Variants in IPO11 observed in about 807,000 individuals in gnomAD.
IPO11 encodes importin 11, also known as importin-11.
Under a neutral mutation model 143.2 loss-of-function variants are expected in IPO11, and 66 were observed. The observed-to-expected ratio is 0.46, with a 90% CI of 0.38 to 0.57. The LOEUF is 0.57. IPO11 is among the 20% of genes least tolerant of loss of function. The pLI, the probability that IPO11 is intolerant of heterozygous loss-of-function variation, is 0.00. For missense variants in IPO11, 1,026 were observed against 1,141.0 expected, an observed-to-expected ratio of 0.90 and a Z score of 1.45; for synonymous variants, 385 against 377.8, an observed-to-expected ratio of 1.02 and a Z score of -0.22.
intron 5 of IPO11, among the ~76,000 whole-genome samples, chr5:62,455,079 G>A (rs1000677418): frequency 1.3e-5 from 2 of 152,180 alleles, no homozygotes; most frequent in African/African-American, 4.8e-5. Flanking sequence ...TTAATTGAAG[G>A]TAGCATTTGT....
chr5:62,624,440 A>T (rs1746487804), intron 29 of IPO11, among the ~76,000 whole-genome samples: 1 of 151,172 alleles, frequency 6.6e-6, no homozygotes. Context: ...TGCTGGTGGG[A>T]TTGTCTTTTA....
intron 1 of IPO11, among the ~76,000 whole-genome samples, chr5:62,433,917 G>T (rs1487513981): frequency 6.6e-6 from 1 of 152,052 alleles, no homozygotes; most frequent in Non-Finnish European, 1.5e-5. Flanking sequence ...TGGTGGAGGG[G>T]GTGGGATGAG....
At chr5:62,443,170 G>A in intron 3 of IPO11, 87 bp downstream of exon 3, 1 of 779,204 alleles carries the variant, frequency 1.3e-6, no homozygotes. Context: ...GTAAAAGGAT[G>A]TGTTAGCGCT....
chr5:62,580,163 C>T, intron 27 of IPO11: 1 of 1,551,116 alleles, frequency 6.4e-7, no homozygotes, highest in African/African-American at 1.4e-5. Flanking sequence ...CCTATTGAAG[C>T]AATACAGCCC....
At chr5:62,413,863 T>A (rs1180341385) in intron 1 of IPO11, among the ~76,000 whole-genome samples, 1 of 152,240 alleles carries the variant, frequency 6.6e-6, no homozygotes, top group Admixed American at 6.5e-5. Flanking sequence ...GGGTGACTCT[T>A]CTATAGGAGA....
intron 27 of IPO11, among the ~76,000 whole-genome samples, chr5:62,568,073 C>G (rs1744015560): frequency 6.6e-6 from 1 of 151,932 alleles, no homozygotes; most frequent in Non-Finnish European, 1.5e-5. Flanking sequence ...TCAAGCAATC[C>G]TCCTACCTCA....
At position 62,463,206 on chromosome 5, in the gene IPO11, T is replaced by A. The variant is rs76542273; in HGVS notation, c.517-3925T>A. ...ACAGGCATGTGCCACCATGTCCAGC[T>A]AATTTGTTAAGAAACATTTTGTAGA... On this transcript the variant is annotated intron_variant, in intron 5 of 29. Coordinates refer to ENST00000325324, the MANE Select transcript of IPO11 (RefSeq NM_016338.5). Among the ~76,000 whole-genome samples, 943 of 152,150 alleles carry A rather than the reference T, an allele frequency of 6.2e-3. 4 individuals carry two copies. Among genetic ancestry groups the A allele is most frequent in the Middle Eastern group, 0.024 (7 of 294 alleles).
chr5:62,526,048 T>C (rs539434286), intron 20 of IPO11, 94 bp from the exon 21 acceptor site: 47 of 723,078 alleles, frequency 6.5e-5, no homozygotes, highest in Non-Finnish European at 9.5e-5. Flanking sequence ...ATTTTTTTAA[T>C]TGGTTTTAGG....
At chr5:62,425,236 A>G (rs1011769157) in intron 1 of IPO11, among the ~76,000 whole-genome samples, 5 of 151,912 alleles carry the variant, frequency 3.3e-5, no homozygotes, top group Non-Finnish European at 7.4e-5. Context: ...GCTTCCTCCA[A>G]CCCTCCTTGG....
rs148993429 is a variant in IPO11 at position 62,594,975 on chromosome 5, C to T, written c.2678+3303C>T. On this transcript the variant is annotated intron_variant, in intron 28 of 29. Transcript: ENST00000325324. ...GGAGGTCTCCTGGTGATTTCCACAC[C>T]GGAGGGACATGATCAGATTTATACT... Among the ~76,000 whole-genome samples, 34 of 152,182 alleles carry T rather than the reference C, an allele frequency of 2.2e-4. No individual in the cohort carries two copies. The East Asian group carries it at 4.4e-3, about 20-fold the overall frequency.
chr5:62,475,208 A>G (rs1448552936), intron 8 of IPO11, among the ~76,000 whole-genome samples: 1 of 152,010 alleles, frequency 6.6e-6, no homozygotes, highest in Non-Finnish European at 1.5e-5. Context: ...TGTCTGGCCA[A>G]AATAGATTTA....
At chr5:62,416,887 G>T (rs1369384923) in intron 1 of IPO11, among the ~76,000 whole-genome samples, 1 of 151,804 alleles carries the variant, frequency 6.6e-6, no homozygotes, top group East Asian at 1.9e-4. Context: ...AGGCCACCAT[G>T]CTTGGCTAAT....
At chr5:62,435,768 C>T (rs1435754177) in intron 1 of IPO11, among the ~76,000 whole-genome samples, 1 of 151,944 alleles carries the variant, frequency 6.6e-6, no homozygotes, top group Non-Finnish European at 1.5e-5. Context: ...GTGGCTCATG[C>T]CTGTAATCCC....
chr5:62,441,736 G>A (rs1442803453), intron 2 of IPO11, among the ~76,000 whole-genome samples: 2 of 149,576 alleles, frequency 1.3e-5, no homozygotes, highest in African/African-American at 4.9e-5. Context: ...GGCTGGTCTC[G>A]AACTCCTGAC....
chr5:62,529,541 A>G (rs1239303634), intron 21 of IPO11, among the ~76,000 whole-genome samples: 1 of 150,874 alleles, frequency 6.6e-6, no homozygotes, highest in Non-Finnish European at 1.5e-5. Flanking sequence ...ATTCTTTTTG[A>G]TTTTATATCA....
chr5:62,488,004 T>C (rs369076550), intron 13 of IPO11, 143 bp downstream of exon 13: 30 of 670,172 alleles, frequency 4.5e-5, no homozygotes, highest in East Asian at 9.9e-5. Context: ...TTAAAACTTA[T>C]TATCTTCCAA....
intron 12 of IPO11, 34 bp downstream of exon 12, chr5:62,485,496 A>G: frequency 6.7e-7 from 1 of 1,503,126 alleles, no homozygotes; most frequent in Non-Finnish European, 9.3e-7. Flanking sequence ...TTGATAGGGG[A>G]AAGCTTAATC....
chr5:62,574,231 T>C (rs1379069669), intron 27 of IPO11, among the ~76,000 whole-genome samples: 2 of 152,140 alleles, frequency 1.3e-5, no homozygotes, highest in African/African-American at 4.8e-5. Flanking sequence ...GTTATTATAG[T>C]TATTGGAAGA....
At chr5:62,525,164 T>C (rs1228752735) in intron 20 of IPO11, among the ~76,000 whole-genome samples, 1 of 152,164 alleles carries the variant, frequency 6.6e-6, no homozygotes, top group Non-Finnish European at 1.5e-5. Flanking sequence ...CATCATCCTT[T>C]TTCCTTTCCT....
Sources: allele counts gnomAD v4.1 joint callset (sites outside exome capture counted in the v4.1 genomes callset), GRCh38; gene constraint gnomAD v4.1.1; transcripts MANE v1.5; gene names NCBI Gene and HGNC (gene_info 2026-07-23, HGNC 2026-07-21).